The following PRKCH variants were observed in gnomAD, a reference collection of about 807,000 sequenced individuals.
PRKCH encodes protein kinase C eta.
A neutral mutation model predicts 82.5 loss-of-function variants in PRKCH; 28 were observed. The ratio of observed to expected loss-of-function variants is 0.34; its 90% CI spans 0.25 to 0.47. PRKCH has a LOEUF of 0.47. Ranked by LOEUF, PRKCH falls within the 20% of genes least tolerant of loss-of-function variation. The pLI is 1.00. For synonymous variants in PRKCH, 322 were observed against 327.4 expected, an observed-to-expected ratio of 0.98 and a Z score of 0.18; for missense variants, 705 against 881.8, an observed-to-expected ratio of 0.80 and a Z score of 2.54.
chr14:61,454,541 C>T (rs781461935), intron 7 of PRKCH, among the ~76,000 whole-genome samples: 9 of 152,230 alleles, frequency 5.9e-5, no homozygotes, highest in Non-Finnish European at 1.2e-4. Flanking sequence ...GTCCTCACCT[C>T]TAAAGCGGTT....
At chr14:61,225,460 T>TC (rs1248066184) in intron 1 of PRKCH, among the ~76,000 whole-genome samples, 1 of 152,142 alleles carries the variant, frequency 6.6e-6, no homozygotes, top group Non-Finnish European at 1.5e-5. Flanking sequence ...AGCAGGCAGC[T>TC]CCCGATGGTA....
At chr14:61,230,610 T>A (rs1386169520) in intron 1 of PRKCH, among the ~76,000 whole-genome samples, 1 of 152,230 alleles carries the variant, frequency 6.6e-6, no homozygotes. Context: ...ATCAAATGTG[T>A]TTCCATCTAT....
In PRKCH at chr14:61,434,372, G is replaced by A. The variant is rs117528410; in HGVS notation, c.428-8739G>A. On this transcript the variant is annotated intron_variant, in intron 2 of 13. Transcript: ENST00000332981. ...CATTTTTCTTCATCATCCTGAAACC[G>A]AGCAGTGATGATCCGCTGAGGAATG... Among the ~76,000 whole-genome samples the A allele has an allele frequency of 4.6e-5, 7 of 152,132 alleles. No homozygotes were observed. The East Asian group carries it at 5.8e-4, about 13-fold the overall frequency.
At chr14:61,213,840 A>G (rs1362077435) in intron 1 of PRKCH, among the ~76,000 whole-genome samples, 3 of 152,204 alleles carry the variant, frequency 2.0e-5, no homozygotes, top group Non-Finnish European at 4.4e-5. Flanking sequence ...GGAGAAATGT[A>G]TTCATTTAAC....
At chr14:61,249,096 C>G (rs925081313) in intron 1 of PRKCH, among the ~76,000 whole-genome samples, 1 of 152,172 alleles carries the variant, frequency 6.6e-6, no homozygotes, top group Non-Finnish European at 1.5e-5. Flanking sequence ...GCCACTGTGC[C>G]TGGCCTCGAT....
intron 10 of PRKCH, among the ~76,000 whole-genome samples, chr14:61,493,776 G>A (rs529962344): frequency 6.6e-6 from 1 of 151,948 alleles, no homozygotes; most frequent in East Asian, 1.9e-4. Flanking sequence ...AGGTTGCAAG[G>A]GAGAGGTTCA....
chr14:61,226,328 T>A (rs982263427), intron 1 of PRKCH, among the ~76,000 whole-genome samples: 2 of 152,198 alleles, frequency 1.3e-5, no homozygotes, highest in African/African-American at 4.8e-5. Flanking sequence ...GACCAAAATA[T>A]ACATCTTCAA....
At chr14:61,466,426 G>A (rs1885258957) in intron 9 of PRKCH, among the ~76,000 whole-genome samples, 1 of 152,108 alleles carries the variant, frequency 6.6e-6, no homozygotes, top group South Asian at 2.1e-4. Context: ...CTGGAATCCA[G>A]GCCTCCCATC....
chr14:61,322,052 T>G lies in PRKCH; in HGVS notation c.-50T>G. ...TGGCCTGAGACGGGACTCCCGGTTC[T>G]CCCGCTGCGAAGCAGCGCGGCCCCC... is the stretch of plus-strand genomic sequence containing the variant. On this transcript the variant is annotated 5_prime_UTR_variant, in exon 1 of 14. Coordinates refer to ENST00000332981, the MANE Select transcript of PRKCH (RefSeq NM_006255.5). 6.8e-7 allele frequency: 1 copy of G among 1,471,982 alleles called. No individual in the cohort carries two copies. The highest frequency in any genetic ancestry group is 2.5e-4 in the Middle Eastern group (1 of 4,080). The allele number at this position is 1,471,982 out of a possible 1,614,324, so 91.2% of individuals were successfully genotyped here. A position where few individuals can be genotyped will look rare whatever the true frequency, so the allele number is the denominator to read the frequency against.
intron 10 of PRKCH, chr14:61,525,723 G>A (rs1408090811): frequency 6.6e-6 from 1 of 152,220 alleles, no homozygotes; most frequent in Non-Finnish European, 1.5e-5. Context: ...ACTTGTTTCT[G>A]TTGCCCAAGA....
chr14:61,442,759 C>T lies in PRKCH; in HGVS notation c.428-352C>T, dbSNP rs141169867. On this transcript the variant is annotated intron_variant, in intron 2 of 13. Transcript: ENST00000332981. ...CAGCTCTGGCATCACAGTGAGACCT[C>T]CATCTCTATTAAAAAAAAATTATTT... 557 of 158,198 alleles carry T rather than the reference C, an allele frequency of 3.5e-3. 4 individuals are homozygous for T. The highest frequency in any genetic ancestry group is 0.016 in the Middle Eastern group (5 of 316). 9.8% of individuals were successfully genotyped at this position (158,198 alleles called of 1,614,324 possible).
intron 10 of PRKCH, among the ~76,000 whole-genome samples, chr14:61,527,724 A>C (rs2042985048): frequency 6.6e-6 from 1 of 152,136 alleles, no homozygotes; most frequent in South Asian, 2.1e-4. Flanking sequence ...TTTCCTCTGT[A>C]GCCCTGAGAT....
At chr14:61,440,985 A>G (rs1025748097) in intron 2 of PRKCH, among the ~76,000 whole-genome samples, 1 of 150,498 alleles carries the variant, frequency 6.6e-6, no homozygotes, top group Admixed American at 6.6e-5. Context: ...AGGTGCAATC[A>G]TGGCTCATTA....
chr14:61,390,243 G>A (rs1386854705), intron 1 of PRKCH, among the ~76,000 whole-genome samples: 1 of 152,196 alleles, frequency 6.6e-6, no homozygotes, highest in Non-Finnish European at 1.5e-5. Flanking sequence ...GCTGTATGGG[G>A]TCTTTCGGAA....
At chr14:61,491,158 C>T (rs1261780663) in intron 10 of PRKCH, among the ~76,000 whole-genome samples, 2 of 152,174 alleles carry the variant, frequency 1.3e-5, no homozygotes, top group African/African-American at 2.4e-5. Context: ...TTACTGTCAC[C>T]TCACCTCTAT....
At position 61,547,763 on chromosome 14, in the gene PRKCH, C is replaced by T. The variant is rs756763272; in HGVS notation, c.1782C>T (p.Thr594=). The change falls in exon 13 of 14, where the codon ACC becomes ACT. Residue 594 remains threonine (T), a synonymous_variant. Coordinates refer to ENST00000332981, the MANE Select transcript of PRKCH (RefSeq NM_006255.5). ...CTCAGTTCATGACCAAGAACCCCAC[C>T]ATGCGCTTGGGCAGCCTGACTCAGG... The part of the protein sequence containing the change: ...ILKSFMTKNP[T]MRLGSLTQGG... 5 of 1,614,060 alleles carry T rather than the reference C, an allele frequency of 3.1e-6. No individual in the cohort carries two copies. The highest frequency in any genetic ancestry group is 4.5e-5 in the East Asian group (2 of 44,886).
chr14:61,447,528 A>T (rs1884285613), intron 4 of PRKCH, among the ~76,000 whole-genome samples: 1 of 152,206 alleles, frequency 6.6e-6, no homozygotes, highest in South Asian at 2.1e-4. Context: ...ACCAACATAG[A>T]CCACATTCTG....
At chr14:61,502,278 G>T (rs1020350215) in intron 10 of PRKCH, among the ~76,000 whole-genome samples, 12 of 152,048 alleles carry the variant, frequency 7.9e-5, no homozygotes, top group African/African-American at 2.9e-4. Context: ...GGCCAGGCTG[G>T]TCGCAAACTC....
At chr14:61,508,214 C>T (rs775264710) in intron 10 of PRKCH, among the ~76,000 whole-genome samples, 1 of 152,136 alleles carries the variant, frequency 6.6e-6, no homozygotes. Flanking sequence ...AAAAAAACCA[C>T]AGCTCACAAA....
Sources: gnomAD v4.1 joint callset for allele counts (sites outside exome capture counted in the v4.1 genomes callset) on GRCh38, gnomAD v4.1.1 for gene constraint, MANE v1.5 for transcripts, NCBI Gene and HGNC (gene_info 2026-07-23, HGNC 2026-07-21) for gene names.